Variants in ENTHD1 observed in about 807,000 individuals in gnomAD.
ENTHD1 encodes ENTH domain-containing protein 1.
A neutral mutation model predicts 39.1 loss-of-function variants in ENTHD1; 23 were observed. That is an observed-to-expected ratio of 0.59 (90% CI 0.42 to 0.83). ENTHD1 has a LOEUF of 0.83. Among genes scored for constraint, ENTHD1 ranks in the 40% least tolerant of loss-of-function variants. The pLI is 0.00. For missense variants in ENTHD1, 624 were observed against 705.4 expected (o/e 0.88, Z 1.31); for synonymous variants, 230 against 258.2 (o/e 0.89, Z 1.05).
At chr22:39,840,759 C>CTT (rs112194949) in intron 3 of ENTHD1, among the ~76,000 whole-genome samples, 2 of 146,350 alleles carry the variant, frequency 1.4e-5, no homozygotes, top group Non-Finnish European at 1.5e-5. Flanking sequence ...AGTTAAGCAT[C>CTT]TTTTTTTTTT....
At chr22:39,749,428 CAT>C (rs1278031199) in intron 6 of ENTHD1, among the ~76,000 whole-genome samples, 5 of 152,312 alleles carry the variant, frequency 3.3e-5, no homozygotes, top group African/African-American at 1.2e-4. Flanking sequence ...TTATTATACT[CAT>C]AAATAATATT....
At chr22:39,791,765 C>T (rs191841816) in intron 5 of ENTHD1, among the ~76,000 whole-genome samples, 46 of 152,194 alleles carry the variant, frequency 3.0e-4, no homozygotes, top group Admixed American at 2.6e-3. Flanking sequence ...GTTCAGAACA[C>T]AGGTTTGTTA....
At chr22:39,866,909 T>C (rs1310121695) in intron 2 of ENTHD1, among the ~76,000 whole-genome samples, 1 of 143,344 alleles carries the variant, frequency 7.0e-6, no homozygotes, top group Non-Finnish European at 1.6e-5. Context: ...ATCTACATAC[T>C]TTTTTTTTTT....
chr22:39,863,610 A>C (rs2066161503), intron 2 of ENTHD1, among the ~76,000 whole-genome samples: 2 of 152,234 alleles, frequency 1.3e-5, no homozygotes, highest in Non-Finnish European at 2.9e-5. Context: ...AAAACGATAA[A>C]GGAAATCACT....
chr22:39,848,994 C>T (rs2066013812), intron 3 of ENTHD1, among the ~76,000 whole-genome samples: 1 of 152,110 alleles, frequency 6.6e-6, no homozygotes, highest in South Asian at 2.1e-4. Context: ...AATGCCACTT[C>T]TGTCATTTAC....
chr22:39,860,105 G>A (rs1214160973), intron 3 of ENTHD1, among the ~76,000 whole-genome samples: 1 of 152,132 alleles, frequency 6.6e-6, no homozygotes, highest in Non-Finnish European at 1.5e-5. Context: ...TTGTGACAGA[G>A]ACATCCCAGT....
At chr22:39,827,795 T>C (rs1305035550) in intron 4 of ENTHD1, among the ~76,000 whole-genome samples, 1 of 152,192 alleles carries the variant, frequency 6.6e-6, no homozygotes, top group Non-Finnish European at 1.5e-5. Context: ...GCATAACCTT[T>C]TGGCAATTCC....
chr22:39,862,110 G>GA, intron 2 of ENTHD1, 103 bp from the exon 3 acceptor site: 2 of 869,124 alleles, frequency 2.3e-6, no homozygotes, highest in East Asian at 5.9e-5. Context: ...TCTCAGCAGT[G>GA]AAAAAACCTG....
At chr22:39,821,647 C>T (rs2065783838) in intron 4 of ENTHD1, among the ~76,000 whole-genome samples, 1 of 152,162 alleles carries the variant, frequency 6.6e-6, no homozygotes, top group African/African-American at 2.4e-5. Context: ...AGAATAATCC[C>T]TTATTTCATT....
chr22:39,763,110 A>C (rs1405323271), intron 6 of ENTHD1, among the ~76,000 whole-genome samples: 1 of 152,120 alleles, frequency 6.6e-6, no homozygotes, highest in Non-Finnish European at 1.5e-5. Flanking sequence ...TCAACTTCTC[A>C]TTTGTCCTTA....
intron 5 of ENTHD1, among the ~76,000 whole-genome samples, chr22:39,802,678 A>T (rs2065608292): frequency 6.6e-6 from 1 of 152,184 alleles, no homozygotes; most frequent in Non-Finnish European, 1.5e-5. Context: ...AAAGAAGGGC[A>T]AGAGAAGAGC....
intron 2 of ENTHD1, 38 bp from the exon 3 acceptor site, chr22:39,862,045 C>T (rs778700634): frequency 2.2e-6 from 3 of 1,362,604 alleles, no homozygotes; most frequent in Non-Finnish European, 2.9e-6. Flanking sequence ...AAAGGAAATA[C>T]TAGTTAAGGC....
intron 5 of ENTHD1, among the ~76,000 whole-genome samples, chr22:39,811,621 G>T (rs2065686622): frequency 6.6e-6 from 1 of 152,174 alleles, no homozygotes; most frequent in African/African-American, 2.4e-5. Context: ...CACATTATGG[G>T]TGTTACCTGA....
chr22:39,786,333 AAACT>A (rs1489921426), intron 5 of ENTHD1, among the ~76,000 whole-genome samples: 1 of 152,218 alleles, frequency 6.6e-6, no homozygotes, highest in Non-Finnish European at 1.5e-5. Context: ...TGATTAAATC[AAACT>A]AACGAATATC....
chr22:39,869,430 T>C (rs2066218923), intron 2 of ENTHD1, among the ~76,000 whole-genome samples: 1 of 151,972 alleles, frequency 6.6e-6, no homozygotes, highest in Non-Finnish European at 1.5e-5. Flanking sequence ...TGGGTACCCA[T>C]AGACATAAAG....
chr22:39,831,201 A>G (rs927638761), intron 4 of ENTHD1, among the ~76,000 whole-genome samples: 1 of 152,188 alleles, frequency 6.6e-6, no homozygotes, highest in Non-Finnish European at 1.5e-5. Context: ...TGGCTTCTAA[A>G]AGTATTAGAC....
At chr22:39,874,088 C>T (rs2066266809) in intron 2 of ENTHD1, among the ~76,000 whole-genome samples, 1 of 152,054 alleles carries the variant, frequency 6.6e-6, no homozygotes, top group Admixed American at 6.5e-5. Context: ...GGGAAACTCC[C>T]CCTTATAAAA....
At chr22:39,856,807 C>G (rs540610801) in intron 3 of ENTHD1, among the ~76,000 whole-genome samples, 1 of 147,182 alleles carries the variant, frequency 6.8e-6, no homozygotes, top group African/African-American at 2.5e-5. Flanking sequence ...GAGTCATTAT[C>G]ACACCACTGC....
intron 3 of ENTHD1, 102 bp downstream of exon 3, chr22:39,861,663 T>C: frequency 9.9e-7 from 1 of 1,013,504 alleles, no homozygotes; most frequent in Non-Finnish European, 1.3e-6. Context: ...ATAGTAATAC[T>C]AAATAATATT....
Sources: gnomAD v4.1 joint callset for allele counts (sites outside exome capture counted in the v4.1 genomes callset) on GRCh38, gnomAD v4.1.1 for gene constraint, MANE v1.5 for transcripts, NCBI Gene and HGNC (gene_info 2026-07-23, HGNC 2026-07-21) for gene names.